Variants in RUVBL1 observed in about 807,000 individuals in gnomAD.
RUVBL1 encodes ruvB-like 1.
Under a neutral mutation model 52.4 loss-of-function variants are expected in RUVBL1, and 4 were observed. The ratio of observed to expected loss-of-function variants is 0.08; its 90% CI spans 0.04 to 0.17. The LOEUF is 0.17. RUVBL1 is among the 10% of genes least tolerant of loss of function. RUVBL1 has a pLI of 1.00. For missense variants in RUVBL1, 298 were observed against 572.8 expected (o/e 0.52, Z 4.90); for synonymous variants, 217 against 214.4 (o/e 1.01, Z -0.10).
chr3:128,073,745 C>CT lies in RUVBL1; in HGVS notation c.940-8526dup, dbSNP rs1195627985. On this transcript the variant is annotated intron_variant, in intron 9 of 9. Transcript: ENST00000464873. ...CCCAGCAGTAAGGGTTCTGCAGTGTCTGTCAAACCTGTGGGCCTTGTTCCC... is the reference window on the plus strand; with the variant it reads ...CCCAGCAGTAAGGGTTCTGCAGTGTCTTGTCAAACCTGTGGGCCTTGTTCCC... Among the ~76,000 whole-genome samples the CT allele has an allele frequency of 4.6e-5, 7 of 152,352 alleles. No homozygotes were observed. The East Asian group carries it at 1.3e-3, about 29-fold the overall frequency.
At chr3:128,084,420 A>G (rs1428435128) in intron 9 of RUVBL1, 1 of 152,230 alleles carries the variant, frequency 6.6e-6, no homozygotes, top group Non-Finnish European at 1.5e-5. Context: ...GACTGAGGAA[A>G]CCACCAGGTC....
In RUVBL1 at chr3:128,153,239, C is replaced by T; in HGVS notation, c.-76G>A. 3.7e-6 allele frequency: 5 copies of T among 1,339,974 alleles called. No individual in the cohort carries two copies. In the South Asian group the frequency reaches 9.7e-5, roughly 26 times the overall value. 83.0% of individuals were successfully genotyped at this position (1,339,974 alleles called of 1,614,324 possible). ...AAATGGCTTCACTTCTCAGAAGGATCCCTCCATCTCGGGCTCCTAGAGGCT... is the reference window on the plus strand; with the variant it reads ...AAATGGCTTCACTTCTCAGAAGGATTCCTCCATCTCGGGCTCCTAGAGGCT... On this transcript the variant is annotated 5_prime_UTR_variant, in exon 1 of 10. Transcript: ENST00000464873.
chr3:128,072,105 C>A (rs1165650768), intron 9 of RUVBL1, among the ~76,000 whole-genome samples: 2 of 152,212 alleles, frequency 1.3e-5, no homozygotes, highest in Admixed American at 6.5e-5. Context: ...GGCCTCAGAC[C>A]CGACCTGTAG....
At chr3:128,150,062 G>A (rs112582703) in intron 1 of RUVBL1, among the ~76,000 whole-genome samples, 6 of 152,210 alleles carry the variant, frequency 3.9e-5, no homozygotes, top group South Asian at 2.1e-4. Context: ...AATTTCCCTC[G>A]GTTCTGTGCA....
exon 1 of RUVBL1, chr3:128,153,216 ATGGCTTCACT>A: frequency 1.5e-6 from 2 of 1,317,992 alleles, no homozygotes; most frequent in Non-Finnish European, 1.9e-6. Flanking sequence ...GAAAGTCCAA[ATGGCTTCACT>A]TCTCAGAAGG....
intron 9 of RUVBL1, among the ~76,000 whole-genome samples, chr3:128,085,634 T>C (rs1019277080): frequency 1.3e-5 from 2 of 152,210 alleles, no homozygotes; most frequent in African/African-American, 4.8e-5. Flanking sequence ...TTGCCAATGC[T>C]GGTTACAAAG....
chr3:128,123,984 G>A (rs778118179), upstream of RUVBL1: 8 of 907,186 alleles, frequency 8.8e-6, no homozygotes, highest in Non-Finnish European at 1.1e-5. Flanking sequence ...GCTTCCTGCC[G>A]AGGCTGGGGT....
At chr3:128,105,036 T>C in intron 3 of RUVBL1, 112 bp from the exon 4 acceptor site, 1 of 1,117,182 alleles carries the variant, frequency 9.0e-7, no homozygotes, top group Non-Finnish European at 1.3e-6. Context: ...ATAATGTACA[T>C]TCCAGGGTGT....
Position 128,082,058 on chromosome 3 carries a change from C to T in RUVBL1, c.1211+425G>A, listed in dbSNP as rs912181550. On this transcript the variant is annotated intron_variant, in intron 10 of 10. Transcript: ENST00000322623. The surrounding 1 kb of genome is among the most constrained non-coding windows in gnomAD (Gnocchi z 4.7). ...CCTCCCTGGCTCTCCATATCCACCACCCAGACATTTTTTATTTGCTTGATG... is the reference window on the plus strand; with the variant it reads ...CCTCCCTGGCTCTCCATATCCACCATCCAGACATTTTTTATTTGCTTGATG... The T allele has an allele frequency of 2.8e-5, 5 of 175,978 alleles. No individual in the cohort carries two copies. The highest frequency in any genetic ancestry group is 1.2e-4 in the African/African-American group (5 of 41,652). The allele number at this position is 175,978 out of a possible 1,614,324, so 10.9% of individuals were successfully genotyped here. A position where few individuals can be genotyped will look rare whatever the true frequency, so the allele number is the denominator to read the frequency against.
At chr3:128,090,311 C>T (rs1942800521) in intron 8 of RUVBL1, among the ~76,000 whole-genome samples, 1 of 152,160 alleles carries the variant, frequency 6.6e-6, no homozygotes, top group Non-Finnish European at 1.5e-5. Context: ...GCGGGCAGAT[C>T]ACGAGGTCAG....
upstream of RUVBL1, among the ~76,000 whole-genome samples, chr3:128,126,092 C>T (rs943655909): frequency 1.3e-5 from 2 of 152,194 alleles, no homozygotes; most frequent in African/African-American, 4.8e-5. Flanking sequence ...TTTCAAACCA[C>T]ATTCCCAGCA....
chr3:128,112,706 G>A (rs748974955), intron 3 of RUVBL1, among the ~76,000 whole-genome samples, 182 bp downstream of exon 3: 4 of 152,196 alleles, frequency 2.6e-5, no homozygotes, highest in South Asian at 2.1e-4. Flanking sequence ...AATTGCTAAC[G>A]CACTTCAATG....
At chr3:128,076,430 C>G (rs906308564), downstream of RUVBL1, among the ~76,000 whole-genome samples, 3 of 151,892 alleles carry the variant, frequency 2.0e-5, no homozygotes, top group South Asian at 2.1e-4. This position sits in a 1 kb window ranked among gnomAD's most constrained non-coding sequence, Gnocchi z 6.8. Flanking sequence ...GCGGGCCTGC[C>G]GGGAGGGTGG....
At chr3:128,090,972 A>G (rs1327438089) in intron 8 of RUVBL1, among the ~76,000 whole-genome samples, 1 of 152,270 alleles carries the variant, frequency 6.6e-6, no homozygotes, top group Non-Finnish European at 1.5e-5. Context: ...ATCAAACTTC[A>G]CAAGAACAGA....
Position 128,097,401 on chromosome 3 carries a change from G to A in RUVBL1, c.915C>T (p.His305=), listed in dbSNP as rs1375569674. The change falls in exon 8 of 11, where the codon CAC becomes CAT. Residue 305 remains histidine, a synonymous_variant. Coordinates refer to ENST00000322623, the MANE Select transcript of RUVBL1 (RefSeq NM_003707.3). Reference sequence around the variant, plus strand: ...AGGTGAAGCACTCAATGTCCAGCATGTGGACCTCATCAACAAACAGCACAC... The same window carrying A: ...AGGTGAAGCACTCAATGTCCAGCATATGGACCTCATCAACAAACAGCACAC... The part of the protein sequence containing the change: ...VPGVLFVDEV[H]MLDIECFTYL... 2 of 1,614,208 alleles carry A rather than the reference G, an allele frequency of 1.2e-6. No homozygotes were observed. Among genetic ancestry groups the A allele is most frequent in the Non-Finnish European group, 1.7e-6 (2 of 1,180,030 alleles).
downstream of RUVBL1, among the ~76,000 whole-genome samples, chr3:128,077,955 T>A (rs1220242006): frequency 2.6e-5 from 4 of 152,260 alleles, no homozygotes; most frequent in Admixed American, 6.5e-5. Flanking sequence ...CTATGGGATA[T>A]GAACTTCCCA....
intron 1 of RUVBL1, among the ~76,000 whole-genome samples, chr3:128,147,140 G>C (rs1022798414): frequency 4.6e-5 from 7 of 152,146 alleles, no homozygotes; most frequent in African/African-American, 1.7e-4. Flanking sequence ...GGCACAATCG[G>C]CTCACTGCAG....
intron 8 of RUVBL1, among the ~76,000 whole-genome samples, chr3:128,091,664 T>C (rs1263588897): frequency 1.3e-5 from 2 of 152,216 alleles, no homozygotes; most frequent in Non-Finnish European, 2.9e-5. Flanking sequence ...GACTCATTTG[T>C]GACTACTTTC....
chr3:128,079,215 T>A (rs1942407682), downstream of RUVBL1, among the ~76,000 whole-genome samples: 2 of 152,168 alleles, frequency 1.3e-5, no homozygotes, highest in African/African-American at 4.8e-5. Context: ...TGGGTCACCT[T>A]CCCCACACCG....
Sources: gnomAD v4.1 joint callset for allele counts (sites outside exome capture counted in the v4.1 genomes callset) on GRCh38, gnomAD v4.1.1 for gene constraint, Gnocchi (gnomAD v3.1) non-coding constraint, MANE v1.5 for transcripts, NCBI Gene and HGNC (gene_info 2026-07-23, HGNC 2026-07-21) for gene names.